The following SCN3A variants were observed in gnomAD, a reference collection of about 807,000 sequenced individuals.
SCN3A encodes the protein sodium voltage-gated channel alpha subunit 3, also known as sodium channel protein type 3 subunit alpha.
Under a neutral mutation model 187.6 loss-of-function variants are expected in SCN3A, and 60 were observed. That is an observed-to-expected ratio of 0.32 (90% CI 0.26 to 0.40). The LOEUF (loss-of-function observed/expected upper bound fraction) is 0.40. Ranked by LOEUF, SCN3A falls within the 10% of genes least tolerant of loss-of-function variation. The pLI, the probability that SCN3A is intolerant of heterozygous loss-of-function variation, is 1.00. For synonymous variants in SCN3A, 788 were observed against 829.2 expected (o/e 0.95, Z 0.85); for missense variants, 1,601 against 2,428.2 (o/e 0.66, Z 7.16).
At chr2:165,115,141 C>A (rs996390010) in intron 19 of SCN3A, among the ~76,000 whole-genome samples, 21 of 152,238 alleles carry the variant, frequency 1.4e-4, no homozygotes, top group Admixed American at 9.2e-4. Flanking sequence ...GTAGCCTCGA[C>A]TCCCTGCAAA....
At position 165,127,648 on chromosome 2, in the gene SCN3A, G is replaced by C. The variant is rs1687070607; in HGVS notation, c.3376C>G (p.Leu1126Val). ...ATTCTTACCTCTTTGCTTTCTTCTA[G>C]TTCTGACTCACTGCTGAACTCTTCA... ...NTEEFSSESE[L>V]EESKEKLNAT... The change falls in exon 18 of 28, where the codon CTA (leucine) becomes GTA (valine). Residue 1126 changes from leucine (L) to valine (V), a missense_variant. Around this residue, in one of 11 missense-constraint regions of SCN3A, gnomAD observed 267 missense variants for 313.2 expected, o/e 0.85. Transcript: ENST00000283254. 6.2e-7 allele frequency: 1 copy of C among 1,613,710 alleles called. No homozygotes were observed. The highest frequency in any genetic ancestry group is 2.2e-5 in the East Asian group (1 of 44,880).
Position 165,183,149 on chromosome 2 carries a change from A to G in SCN3A, c.-51+3402T>C, listed in dbSNP as rs530198502. 2.6e-5 allele frequency among the ~76,000 whole-genome samples: 4 copies of G among 152,306 alleles called. No homozygotes were observed. In the South Asian group the frequency reaches 8.3e-4, roughly 32 times the overall value. ...AGAGGATGATAGACAATGAAGTTAGAACAATTACCTAGATGCCAAAGAGGA... is the reference window on the plus strand; with the variant it reads ...AGAGGATGATAGACAATGAAGTTAGGACAATTACCTAGATGCCAAAGAGGA... On this transcript the variant is annotated intron_variant, in intron 2 of 27. Coordinates refer to ENST00000283254, the MANE Select transcript of SCN3A (RefSeq NM_006922.4).
chr2:165,139,180 G>A (rs1687846803), intron 14 of SCN3A, among the ~76,000 whole-genome samples: 1 of 152,036 alleles, frequency 6.6e-6, no homozygotes, highest in South Asian at 2.1e-4. Flanking sequence ...TTAGAAAAGG[G>A]GAAGAGTTTA....
intron 11 of SCN3A, among the ~76,000 whole-genome samples, chr2:165,148,880 A>G (rs1301223784): frequency 2.0e-5 from 3 of 152,132 alleles, no homozygotes; most frequent in Non-Finnish European, 4.4e-5. Flanking sequence ...CTCTGACTAT[A>G]TATGCAAAAT....
At chr2:165,184,064 A>G (rs1691066997) in intron 2 of SCN3A, among the ~76,000 whole-genome samples, 1 of 152,164 alleles carries the variant, frequency 6.6e-6, no homozygotes, top group South Asian at 2.1e-4. Flanking sequence ...TATTTTTCCC[A>G]GTGAAATTTT....
intron 4 of SCN3A, 90 bp downstream of exon 4, chr2:165,170,340 A>C (rs1461236176): frequency 1.2e-6 from 1 of 821,100 alleles, no homozygotes; most frequent in East Asian, 2.5e-5. Flanking sequence ...ATCTCAAAGA[A>C]ATTTTACAGA....
chr2:165,127,007 A>C (rs1687034272), intron 18 of SCN3A, among the ~76,000 whole-genome samples: 2 of 152,218 alleles, frequency 1.3e-5, no homozygotes, highest in Non-Finnish European at 2.9e-5. Flanking sequence ...GTTATTTTTT[A>C]AAGAACATAA....
intron 1 of SCN3A, among the ~76,000 whole-genome samples, chr2:165,200,540 G>T (rs370640794): frequency 6.6e-6 from 1 of 152,044 alleles, no homozygotes; most frequent in Non-Finnish European, 1.5e-5. Flanking sequence ...AGAACTGAGA[G>T]ACAGATGAGC....
At chr2:165,094,154 G>T in intron 26 of SCN3A, 1 of 567,132 alleles carries the variant, frequency 1.8e-6, no homozygotes, top group Admixed American at 3.1e-5. Flanking sequence ...TGAGCTAGAA[G>T]TTTTCAACTC....
At chr2:165,131,203 T>A in intron 16 of SCN3A, 41 bp downstream of exon 16, 1 of 1,316,944 alleles carries the variant, frequency 7.6e-7, no homozygotes, top group South Asian at 1.9e-5. Flanking sequence ...TCAAAATAAA[T>A]GTTGTGCCAA....
Position 165,096,249 on chromosome 2 carries a change from T to A in SCN3A, c.4293+218A>T, listed in dbSNP as rs145599720. ...CATTTACTGGACCAATCTAATGTCT[T>A]AGGATCCATGCAGCTAGATATCGTT... On this transcript the variant is annotated intron_variant, in intron 24 of 27. Coordinates refer to ENST00000283254, the MANE Select transcript of SCN3A (RefSeq NM_006922.4). Among the ~76,000 whole-genome samples, 15 of 152,234 alleles carry A rather than the reference T, an allele frequency of 9.9e-5. No homozygotes were observed. In the East Asian group the frequency reaches 2.9e-3, roughly 29 times the overall value.
At chr2:165,167,187 T>C (rs1689821752) in intron 5 of SCN3A, among the ~76,000 whole-genome samples, 1 of 152,172 alleles carries the variant, frequency 6.6e-6, no homozygotes. Flanking sequence ...TTGATACATG[T>C]TTAAATGCTT....
At chr2:165,143,404 A>G (rs935130389) in intron 12 of SCN3A, among the ~76,000 whole-genome samples, 2 of 152,290 alleles carry the variant, frequency 1.3e-5, no homozygotes, top group South Asian at 4.1e-4. Context: ...CATGCCTTTA[A>G]TTTGGATATT....
intron 9 of SCN3A, among the ~76,000 whole-genome samples, chr2:165,156,473 A>G (rs1429435087): frequency 1.6e-5 from 2 of 122,334 alleles, no homozygotes; most frequent in East Asian, 5.5e-4. Context: ...ATATTGTGCC[A>G]TTGCACTCCA....
chr2:165,166,145 A>G (rs189753684), intron 5 of SCN3A, among the ~76,000 whole-genome samples: 1 of 152,294 alleles, frequency 6.6e-6, no homozygotes, highest in East Asian at 1.9e-4. Flanking sequence ...TTATCTATAG[A>G]GTTACTAGGA....
At chr2:165,161,227 G>A (rs952284199) in intron 9 of SCN3A, among the ~76,000 whole-genome samples, 1 of 120,378 alleles carries the variant, frequency 8.3e-6, no homozygotes, top group African/African-American at 3.1e-5. Context: ...TCTTACAATT[G>A]TCCATGTGAT....
At chr2:165,099,814 G>T (rs1046103323) in intron 22 of SCN3A, among the ~76,000 whole-genome samples, 1 of 152,196 alleles carries the variant, frequency 6.6e-6, no homozygotes, top group Non-Finnish European at 1.5e-5. Context: ...TTAGCAATTT[G>T]TTAGAGGCTA....
intron 3 of SCN3A, among the ~76,000 whole-genome samples, chr2:165,171,802 G>T (rs887671023): frequency 6.6e-6 from 1 of 152,050 alleles, no homozygotes; most frequent in African/African-American, 2.4e-5. Context: ...GTGAGAACTA[G>T]GTTAGAAATT....
At chr2:165,135,638 A>G (rs1344598514) in intron 15 of SCN3A, among the ~76,000 whole-genome samples, 1 of 152,062 alleles carries the variant, frequency 6.6e-6, no homozygotes, top group Non-Finnish European at 1.5e-5. Flanking sequence ...TATATTAAAC[A>G]TATGTATTAC....
Sources: allele counts gnomAD v4.1 joint callset (sites outside exome capture counted in the v4.1 genomes callset), GRCh38; gene constraint gnomAD v4.1.1; regional missense constraint gnomAD v4.1.1; transcripts MANE v1.5; gene names NCBI Gene and HGNC (gene_info 2026-07-23, HGNC 2026-07-21).